Variants in SMG1 observed in about 807,000 individuals in gnomAD.
SMG1 encodes SMG1 nonsense mediated mRNA decay associated PI3K related kinase, also known as serine/threonine-protein kinase SMG1.
Under a neutral mutation model 419.9 loss-of-function variants are expected in SMG1, and 22 were observed. That is an observed-to-expected ratio of 0.05 (90% CI 0.04 to 0.07). The LOEUF (loss-of-function observed/expected upper bound fraction) is 0.07. Among genes scored for constraint, SMG1 ranks in the 10% least tolerant of loss-of-function variants. The pLI, the probability that SMG1 is intolerant of heterozygous loss-of-function variation, is 1.00. For missense variants in SMG1, 3,185 were observed against 4,342.0 expected (o/e 0.73, Z 7.49); for synonymous variants, 1,538 against 1,553.5 (o/e 0.99, Z 0.23).
chr16:18,881,822 T>C (rs1422247897), intron 10 of SMG1, among the ~76,000 whole-genome samples: 1 of 152,138 alleles, frequency 6.6e-6, no homozygotes, highest in African/African-American at 2.4e-5. Flanking sequence ...TCCTATAGTG[T>C]GCTATTCGTA....
intron 39 of SMG1, among the ~76,000 whole-genome samples, chr16:18,842,772 G>GA (rs537141533): frequency 4.6e-4 from 70 of 152,180 alleles, no homozygotes; most frequent in Non-Finnish European, 8.2e-4. Context: ...AGAGGTTGCA[G>GA]AGAGCCGAGA....
chr16:18,806,617 GTAAAT>G lies in SMG1; in HGVS notation c.*2947_*2951del, dbSNP rs2030858676. 6.6e-6 allele frequency: 1 copy of G among 152,208 alleles called. No individual in the cohort carries two copies. Among genetic ancestry groups the G allele is most frequent in the African/African-American group, 2.4e-5 (1 of 41,452 alleles). The allele number at this position is 152,208 out of a possible 1,614,324, so 9.4% of individuals were successfully genotyped here. ...ATCAACTAAAAATTAGGCAATTCTA[GTAAAT>G]TAAAGACAGCAAAAAACTTAAGATT... On this transcript the variant is annotated 3_prime_UTR_variant, in exon 63 of 63. Coordinates refer to ENST00000446231, the MANE Select transcript of SMG1 (RefSeq NM_015092.5).
In SMG1 at chr16:18,872,330, G is replaced by A; in HGVS notation, c.2037C>T (p.Ile679=). The part of the protein sequence containing the change: ...YSHCTRHDHF[I]SSSLSSSSPS... The stretch of plus-strand genomic sequence containing the variant: ...GAGAGGAAGAACTGAGGCTACTAGA[G>A]ATAAAGTGATCATGCCTGAAAGACA... The change falls in exon 15 of 63, where the codon ATC becomes ATT. Residue 679 remains isoleucine (I), a synonymous_variant. Coordinates refer to ENST00000446231, the MANE Select transcript of SMG1 (RefSeq NM_015092.5). The A allele has an allele frequency of 1.9e-6, 3 of 1,578,164 alleles. No individual in the cohort carries two copies. Among genetic ancestry groups the A allele is most frequent in the Non-Finnish European group, 2.6e-6 (3 of 1,166,958 alleles).
At chr16:18,915,266 C>T (rs893078061) in intron 1 of SMG1, among the ~76,000 whole-genome samples, 24 of 152,210 alleles carry the variant, frequency 1.6e-4, no homozygotes, top group African/African-American at 4.6e-4. Context: ...AGCCACTGCA[C>T]GTGGCCAAAT....
In SMG1 at chr16:18,874,061, A is replaced by C. The variant is rs562857994; in HGVS notation, c.1891-1437T>G. Among the ~76,000 whole-genome samples the C allele has an allele frequency of 4.6e-5, 7 of 152,356 alleles. No individual in the cohort carries two copies. In the East Asian group the frequency reaches 9.6e-4, roughly 21 times the overall value. ...AATCCAATCAAACAACCCAGAGCAC[A>C]TGTAAGCGCAAACATCAAGTTTTAC... On this transcript the variant is annotated intron_variant, in intron 13 of 62. Coordinates refer to ENST00000446231, the MANE Select transcript of SMG1 (RefSeq NM_015092.5).
chr16:18,873,954 G>A (rs763456366), intron 13 of SMG1, among the ~76,000 whole-genome samples: 31 of 152,108 alleles, frequency 2.0e-4, no homozygotes, highest in Admixed American at 1.7e-3. Flanking sequence ...TCAAGCTTTC[G>A]TGTTCGAAGA....
chr16:18,863,626 A>T (rs746253861), intron 25 of SMG1, 24 bp downstream of exon 25: 23 of 1,586,556 alleles, frequency 1.4e-5, no homozygotes, highest in Non-Finnish European at 1.9e-5. Flanking sequence ...AATTTGTTTT[A>T]TAACTGGAAA....
chr16:18,813,515 T>A (rs2031679656), intron 60 of SMG1, among the ~76,000 whole-genome samples: 1 of 152,182 alleles, frequency 6.6e-6, no homozygotes, highest in Non-Finnish European at 1.5e-5. Flanking sequence ...TTTGATGGGG[T>A]TGTTTTTTTC....
intron 59 of SMG1, 65 bp from the exon 60 acceptor site, chr16:18,815,346 GAAC>G: frequency 6.5e-7 from 1 of 1,543,022 alleles, no homozygotes; most frequent in South Asian, 1.2e-5. Context: ...ATAAAAATAT[GAAC>G]AAAACTGAAA....
At position 18,910,915 on chromosome 16, in the gene SMG1, CT is replaced by C. The variant is rs138905614; in HGVS notation, c.93-13960del. ...AGCAATTCATCGTTCAACTGGTGTT[CT>C]TATAAGAATCAGTTCTTAAATTCCA... On this transcript the variant is annotated intron_variant, in intron 1 of 62. Coordinates refer to ENST00000446231, the MANE Select transcript of SMG1 (RefSeq NM_015092.5). Among the ~76,000 whole-genome samples the C allele has an allele frequency of 6.7e-3, 1,026 of 152,252 alleles. 9 individuals are homozygous for C. Among genetic ancestry groups the C allele is most frequent in the African/African-American group, 0.024 (985 of 41,548 alleles).
chr16:18,864,111 G>C lies in SMG1; in HGVS notation c.3384C>G (p.His1128Gln). The change falls in exon 24 of 63, where the codon CAC (histidine) becomes CAG (glutamine). Residue 1128 changes from histidine to glutamine, a missense_variant. Physicochemically the swap from His to Gln is conservative, Grantham distance 24. Transcript: ENST00000446231. ...FEKASVEYQE[H>Q]LCAMTGVDCC... The stretch of plus-strand genomic sequence containing the variant: ...AATCAACACCTGTCATGGCACACAG[G>C]TGTTCCTGGTACTCCACAGAGGCCT... 6.5e-7 allele frequency: 1 copy of C among 1,548,758 alleles called. No homozygotes were observed. The highest frequency in any genetic ancestry group is 8.7e-7 in the Non-Finnish European group (1 of 1,146,562).
chr16:18,816,075 G>A, intron 58 of SMG1: 2 of 548,082 alleles, frequency 3.6e-6, no homozygotes, highest in Non-Finnish European at 6.4e-6. Context: ...TCACAATAAA[G>A]GAATCTAATT....
intron 1 of SMG1, among the ~76,000 whole-genome samples, chr16:18,921,812 C>T (rs2038210973): frequency 1.3e-5 from 2 of 152,174 alleles, no homozygotes; most frequent in South Asian, 4.1e-4. Flanking sequence ...CAACACATTT[C>T]CATTTCTTGG....
intron 3 of SMG1, among the ~76,000 whole-genome samples, chr16:18,894,594 TC>T (rs1274241613): frequency 6.8e-6 from 1 of 147,262 alleles, no homozygotes; most frequent in Non-Finnish European, 1.5e-5. Flanking sequence ...TAAAAAGAAA[TC>T]AGTTTTTTAA....
Position 18,850,426 on chromosome 16 carries a change from G to T in SMG1, c.5094C>A (p.Asn1698Lys). 1 of 1,613,558 alleles carries T rather than the reference G, an allele frequency of 6.2e-7. No individual in the cohort carries two copies. Among genetic ancestry groups the T allele is most frequent in the Non-Finnish European group, 8.5e-7 (1 of 1,179,816 alleles). The change falls in exon 34 of 63, where the codon AAC (asparagine) becomes AAA (lysine). Residue 1698 changes from asparagine (N) to lysine (K), a missense_variant. Around this residue, in one of 27 missense-constraint regions of SMG1, gnomAD observed 493 missense variants for 552.9 expected, o/e 0.89. Transcript: ENST00000446231. ...TAACATCAACCATGTCATCTTCTTC[G>T]TTGTCTTCACTCTCAGTTATCTGAA... is the stretch of plus-strand genomic sequence containing the variant. ...ITLQITESED[N>K]EEDDMVDVIW...
chr16:18,915,895 C>G (rs1343198683), intron 1 of SMG1, among the ~76,000 whole-genome samples: 1 of 150,518 alleles, frequency 6.6e-6, no homozygotes, highest in Non-Finnish European at 1.5e-5. Flanking sequence ...ATGGTGAAAC[C>G]CCATCTCTAC....
At chr16:18,840,040 G>C (rs1218802624) in intron 41 of SMG1, 94 bp from the exon 42 acceptor site, 1 of 997,310 alleles carries the variant, frequency 1.0e-6, no homozygotes, top group Non-Finnish European at 1.5e-6. Flanking sequence ...TTTTAAAAAT[G>C]ATTTTTCAGT....
chr16:18,854,985 C>T lies in SMG1; in HGVS notation c.4235-81G>A, dbSNP rs1490214627. On this transcript the variant is annotated intron_variant, in intron 29 of 62. Coordinates refer to ENST00000446231, the MANE Select transcript of SMG1 (RefSeq NM_015092.5). Reference sequence around the variant, plus strand: ...GAAACATGGCCAAAAAATTATTCCCCAACTATCCCTCTTCTGCACCACCTC... The same window carrying T: ...GAAACATGGCCAAAAAATTATTCCCTAACTATCCCTCTTCTGCACCACCTC... 4 of 1,359,632 alleles carry T rather than the reference C, an allele frequency of 2.9e-6. No individual in the cohort carries two copies. In the Admixed American group the frequency reaches 6.5e-5, roughly 22 times the overall value. The allele number at this position is 1,359,632 out of a possible 1,614,324, so 84.2% of individuals were successfully genotyped here.
At chr16:18,873,414 G>C (rs2035932347) in intron 13 of SMG1, among the ~76,000 whole-genome samples, 1 of 152,076 alleles carries the variant, frequency 6.6e-6, no homozygotes, top group African/African-American at 2.4e-5. Flanking sequence ...TAGAGATAGA[G>C]TTTCACCATG....
Sources: allele counts gnomAD v4.1 joint callset (sites outside exome capture counted in the v4.1 genomes callset), GRCh38; gene constraint gnomAD v4.1.1; regional missense constraint gnomAD v4.1.1; transcripts MANE v1.5; gene names NCBI Gene and HGNC (gene_info 2026-07-23, HGNC 2026-07-21).